TNFSF13B: variants seen among roughly 807,000 people sequenced by gnomAD.
The protein encoded by TNFSF13B is TNF superfamily member 13b.
A neutral mutation model predicts 29.1 loss-of-function variants in TNFSF13B; 8 were observed. The observed-to-expected ratio is 0.27, with a 90% CI of 0.16 to 0.50. The LOEUF is 0.50. Among genes scored for constraint, TNFSF13B ranks in the 20% least tolerant of loss-of-function variants. The pLI is 0.98. For missense variants in TNFSF13B, 248 were observed against 334.9 expected, an observed-to-expected ratio of 0.74 and a Z score of 2.03; for synonymous variants, 125 against 130.8, an observed-to-expected ratio of 0.96 and a Z score of 0.30.
intron 2 of TNFSF13B, among the ~76,000 whole-genome samples, chr13:108,278,578 C>CTCCTCCTCCTCT (rs1555311783): frequency 3.0e-3 from 5 of 1,642 alleles, no homozygotes; most frequent in African/African-American, 5.2e-3. Context: ...ACCCCCTCCT[C>CTCCTCCTCCTCT]TCCTCCTCCT....
At chr13:108,271,691 C>T (rs964677026) in intron 2 of TNFSF13B, among the ~76,000 whole-genome samples, 2 of 151,842 alleles carry the variant, frequency 1.3e-5, no homozygotes, top group South Asian at 2.1e-4. Flanking sequence ...TTATTTTTAT[C>T]GTCTGCATTT....
intron 3 of TNFSF13B, among the ~76,000 whole-genome samples, chr13:108,290,187 T>C (rs1340225057): frequency 6.6e-6 from 1 of 152,166 alleles, no homozygotes; most frequent in East Asian, 1.9e-4. Flanking sequence ...CTTAACAATG[T>C]ATATTGCAGA....
chr13:108,283,613 T>C (rs1284694188), intron 2 of TNFSF13B, among the ~76,000 whole-genome samples: 2 of 152,220 alleles, frequency 1.3e-5, no homozygotes, highest in African/African-American at 4.8e-5. Context: ...TCTGACTACA[T>C]AGAACATCTA....
intron 5 of TNFSF13B, among the ~76,000 whole-genome samples, chr13:108,304,082 A>G (rs370527706): frequency 3.3e-5 from 5 of 152,226 alleles, no homozygotes; most frequent in East Asian, 1.9e-4. Context: ...GAGAAGTAAC[A>G]TAACTTGTCC....
chr13:108,302,852 G>T (rs777397426), intron 3 of TNFSF13B: 18 of 987,942 alleles, frequency 1.8e-5, no homozygotes, highest in Non-Finnish European at 2.2e-5. Context: ...AAACTCTTCA[G>T]ATACTCTTTC....
At chr13:108,302,915 TG>T in intron 3 of TNFSF13B, 1 of 941,464 alleles carries the variant, frequency 1.1e-6, no homozygotes, top group Non-Finnish European at 1.3e-6. Context: ...AGAGAAATTT[TG>T]TCCACTCTTT....
intron 3 of TNFSF13B, among the ~76,000 whole-genome samples, chr13:108,293,372 T>C (rs947894259): frequency 1.3e-5 from 2 of 152,192 alleles, no homozygotes; most frequent in Non-Finnish European, 2.9e-5. Flanking sequence ...CCTTCAATCT[T>C]GTTATTTATT....
At chr13:108,294,051 T>C (rs1881396771) in intron 3 of TNFSF13B, among the ~76,000 whole-genome samples, 1 of 152,224 alleles carries the variant, frequency 6.6e-6, no homozygotes, top group Non-Finnish European at 1.5e-5. Flanking sequence ...GGATTCTTTT[T>C]TAAAATTTCC....
At chr13:108,273,688 T>C (rs1268399152) in intron 2 of TNFSF13B, among the ~76,000 whole-genome samples, 1 of 152,234 alleles carries the variant, frequency 6.6e-6, no homozygotes, top group Non-Finnish European at 1.5e-5. Flanking sequence ...CAGTTGGATA[T>C]TGCAGTAAAA....
intron 2 of TNFSF13B, among the ~76,000 whole-genome samples, chr13:108,273,165 G>T (rs567918807): frequency 2.6e-5 from 4 of 151,870 alleles, no homozygotes; most frequent in Admixed American, 2.6e-4. Flanking sequence ...TGTGCATATA[G>T]GTATATATTG....
intron 3 of TNFSF13B, among the ~76,000 whole-genome samples, chr13:108,292,125 T>C (rs1294349941): frequency 1.3e-5 from 2 of 152,080 alleles, no homozygotes; most frequent in Non-Finnish European, 2.9e-5. Flanking sequence ...AAGCAATCAG[T>C]TACCATTTCT....
At chr13:108,288,192 A>G (rs1323138672) in intron 3 of TNFSF13B, among the ~76,000 whole-genome samples, 1 of 152,244 alleles carries the variant, frequency 6.6e-6, no homozygotes, top group Non-Finnish European at 1.5e-5. Context: ...TAAGATAACT[A>G]GTGAACAAAA....
rs1365935692 is a variant in TNFSF13B at position 108,303,544 on chromosome 13, T to C, written c.685T>C (p.Leu229=). 4.3e-6 allele frequency: 7 copies of C among 1,613,676 alleles called. No individual in the cohort carries two copies. The highest frequency in any genetic ancestry group is 1.1e-5 in the South Asian group (1 of 91,074). Residue 229 remains leucine, a synonymous_variant, in exon 5 of 6, where the codon TTG becomes CTG. Coordinates refer to ENST00000375887, the MANE Select transcript of TNFSF13B (RefSeq NM_006573.5). ...TGGGGATGAATTGAGTCTGGTGACT[T>C]TGTTTCGATGTATTCAAAATATGCC... ...VFGDELSLVT[L]FRCIQNMPET...
In TNFSF13B at chr13:108,286,857, A is replaced by C. The variant is rs1315590660; in HGVS notation, c.479A>C (p.Lys160Thr). The C allele has an allele frequency of 6.4e-7, 1 of 1,560,676 alleles. No homozygotes were observed. Among genetic ancestry groups the C allele is most frequent in the Non-Finnish European group, 8.7e-7 (1 of 1,148,210 alleles). ...GACAGTGAAACACCAACTATACAAA[A>C]AGGTAATAAAATATAGCAAAGACTT... ...IADSETPTIQ[K>T]GSYTFVPWLL... Residue 160 changes from lysine (K) to threonine (T), a missense_variant and splice_region_variant, in exon 3 of 6, where the codon AAA becomes ACA. Transcript: ENST00000375887.
At chr13:108,282,931 G>A (rs2139050621) in intron 2 of TNFSF13B, among the ~76,000 whole-genome samples, 1 of 152,248 alleles carries the variant, frequency 6.6e-6, no homozygotes, top group Non-Finnish European at 1.5e-5. Context: ...ATGTGTGAAA[G>A]GCATTTGAGA....
At chr13:108,290,241 G>A (rs1025432271) in intron 3 of TNFSF13B, among the ~76,000 whole-genome samples, 3 of 152,018 alleles carry the variant, frequency 2.0e-5, no homozygotes, top group Non-Finnish European at 4.4e-5. Context: ...GAAAAAAAAA[G>A]CAGCATAGTA....
At chr13:108,279,781 G>A (rs1880880070) in intron 2 of TNFSF13B, among the ~76,000 whole-genome samples, 1 of 152,104 alleles carries the variant, frequency 6.6e-6, no homozygotes, top group Non-Finnish European at 1.5e-5. Context: ...TTCGAATTTA[G>A]GCTGCTATGC....
chr13:108,287,863 AC>A (rs1450059972), intron 3 of TNFSF13B, among the ~76,000 whole-genome samples: 1 of 152,190 alleles, frequency 6.6e-6, no homozygotes, highest in Non-Finnish European at 1.5e-5. Context: ...ATGGCCTGAA[AC>A]CAGGTTTACA....
At chr13:108,287,621 C>T (rs1037067001) in intron 3 of TNFSF13B, among the ~76,000 whole-genome samples, 5 of 151,916 alleles carry the variant, frequency 3.3e-5, no homozygotes, top group African/African-American at 1.2e-4. Context: ...GACTCAAGAC[C>T]ATCTTCACAA....
Sources: gnomAD v4.1 joint callset for allele counts (sites outside exome capture counted in the v4.1 genomes callset) on GRCh38, gnomAD v4.1.1 for gene constraint, MANE v1.5 for transcripts, NCBI Gene and HGNC (gene_info 2026-07-23, HGNC 2026-07-21) for gene names.